The following PRPS2 variants were observed in gnomAD, a reference collection of about 807,000 sequenced individuals.
PRPS2 encodes the protein ribose-phosphate pyrophosphokinase 2.
For missense variants in PRPS2, 104 were observed against 271.5 expected (o/e 0.38, Z 4.34); for synonymous variants, 111 against 115.3 (o/e 0.96, Z 0.24).
At chrX:12,808,096 T>A (rs2042603114) in intron 2 of PRPS2, among the ~76,000 whole-genome samples, 1 of 111,192 alleles carries the variant, frequency 9.0e-6, no homozygotes, top group South Asian at 3.8e-4. Flanking sequence ...CTGGATCTTC[T>A]GATCTCGTGA....
At position 12,823,579 on chromosome X, in the gene PRPS2, A is replaced by G. The variant is rs1287645611; in HGVS notation, c.*783A>G. 3 of 111,816 alleles carry G rather than the reference A, an allele frequency of 2.7e-5. No homozygotes were observed. The highest frequency in any genetic ancestry group is 5.6e-5 in the Non-Finnish European group (3 of 53,199). 9.2% of individuals were successfully genotyped at this position (111,816 alleles called of 1,213,427 possible). A position where few individuals can be genotyped will look rare whatever the true frequency, so the allele number is the denominator to read the frequency against. On this transcript the variant is annotated 3_prime_UTR_variant, in exon 7 of 7. Transcript: ENST00000380668. ...CAAGGCCTAAAGCCAACTGACTTAAAGGTAATCATTTCAGCTAAGATTAAA... is the reference window on the plus strand; with the variant it reads ...CAAGGCCTAAAGCCAACTGACTTAAGGGTAATCATTTCAGCTAAGATTAAA...
At chrX:12,804,627 A>G (rs986961575) in intron 2 of PRPS2, among the ~76,000 whole-genome samples, 2 of 111,182 alleles carry the variant, frequency 1.8e-5, no homozygotes, top group Non-Finnish European at 1.9e-5. Flanking sequence ...CTCTTAGACA[A>G]GTGCTACTGT....
chrX:12,791,695 C>G (rs2042519408), intron 1 of PRPS2, 76 bp downstream of exon 1: 2 of 847,392 alleles, frequency 2.4e-6, no homozygotes, highest in Non-Finnish European at 2.9e-6. Context: ...GGGCCGGCGC[C>G]TGCCCGGGCC....
At chrX:12,819,235 C>A (rs757793096) in intron 4 of PRPS2, among the ~76,000 whole-genome samples, 10 of 112,796 alleles carry the variant, frequency 8.9e-5, no homozygotes, top group Non-Finnish European at 1.9e-4. Flanking sequence ...TACTAACAAA[C>A]TGAATATCAA....
chrX:12,819,493 T>C lies in PRPS2; in HGVS notation c.531-14T>C, dbSNP rs760393409. 8.3e-7 allele frequency: 1 copy of C among 1,201,922 alleles called. No homozygotes were observed. The highest frequency in any genetic ancestry group is 1.7e-5 in the African/African-American group (1 of 57,215). The stretch of plus-strand genomic sequence containing the variant: ...AGTTGACTGTATGAACATGTTCATT[T>C]GTGCCTTTGCCAGGGTTACATCAAT... On this transcript the variant is annotated splice_polypyrimidine_tract_variant and intron_variant, in intron 4 of 6. Transcript: ENST00000380668.
At chrX:12,793,752 G>C (rs1301921045) in intron 1 of PRPS2, among the ~76,000 whole-genome samples, 1 of 112,506 alleles carries the variant, frequency 8.9e-6, no homozygotes, top group African/African-American at 3.2e-5. Context: ...TCTTGAATCT[G>C]TCACTGAACT....
intron 5 of PRPS2, 23 bp from the exon 6 acceptor site, chrX:12,820,621 T>G (rs1160180902): frequency 8.4e-7 from 1 of 1,193,547 alleles, no homozygotes; most frequent in Non-Finnish European, 1.1e-6. Context: ...TACCCTTAAT[T>G]TTTATCTTCT....
At chrX:12,821,390 G>A (rs189202150) in intron 6 of PRPS2, among the ~76,000 whole-genome samples, 1 of 102,987 alleles carries the variant, frequency 9.7e-6, no homozygotes, top group African/African-American at 3.5e-5. Context: ...CTTCTAGGAG[G>A]TACCTGAGAT....
At chrX:12,819,856 A>G (rs1194997966) in intron 5 of PRPS2, among the ~76,000 whole-genome samples, 176 bp downstream of exon 5, 2 of 112,935 alleles carry the variant, frequency 1.8e-5, no homozygotes, top group African/African-American at 6.4e-5. Context: ...TAGAAAAGAA[A>G]GCACGGGCCT....
intron 1 of PRPS2, among the ~76,000 whole-genome samples, chrX:12,794,899 A>C (rs1279149519): frequency 1.8e-5 from 2 of 112,046 alleles, no homozygotes; most frequent in Non-Finnish European, 3.8e-5. Flanking sequence ...CAAATCGTAA[A>C]TATTTTAGGC....
intron 4 of PRPS2, among the ~76,000 whole-genome samples, chrX:12,814,520 G>A (rs1233339563): frequency 1.8e-5 from 2 of 112,443 alleles, no homozygotes; most frequent in African/African-American, 6.5e-5. Flanking sequence ...AAAGGTCATA[G>A]TTAGCAAAAT....
intron 4 of PRPS2, among the ~76,000 whole-genome samples, chrX:12,817,543 A>G (rs953284467): frequency 9.3e-6 from 1 of 108,038 alleles, no homozygotes; most frequent in Non-Finnish European, 1.9e-5. Flanking sequence ...CAGCAATTCC[A>G]CTCTGAGGTA....
intron 2 of PRPS2, among the ~76,000 whole-genome samples, chrX:12,808,272 T>G (rs1356300881): frequency 6.3e-5 from 6 of 95,084 alleles, no homozygotes; most frequent in African/African-American, 2.3e-4. Flanking sequence ...CCTGCATGTG[T>G]TTTTACATGA....
chrX:12,818,380 A>G (rs945699862), intron 4 of PRPS2, among the ~76,000 whole-genome samples: 10 of 108,029 alleles, frequency 9.3e-5, no homozygotes, highest in South Asian at 4.0e-4. Flanking sequence ...AAAAAAAAAA[A>G]AAAAGAAAAG....
chrX:12,813,654 T>C (rs2042634162), intron 4 of PRPS2, among the ~76,000 whole-genome samples: 1 of 111,523 alleles, frequency 9.0e-6, no homozygotes, highest in Non-Finnish European at 1.9e-5. Context: ...CTGGTTGCTG[T>C]GGGTGAGGGT....
chrX:12,792,019 G>T (rs1023264700), intron 1 of PRPS2, among the ~76,000 whole-genome samples: 1 of 113,311 alleles, frequency 8.8e-6, no homozygotes. Context: ...TCAGCGCGCG[G>T]TGGAGAGACG....
intron 1 of PRPS2, among the ~76,000 whole-genome samples, chrX:12,796,213 C>CTTTT (rs751352461): frequency 3.4e-4 from 13 of 38,672 alleles, no homozygotes; most frequent in Admixed American, 6.7e-4. Flanking sequence ...ATAATTGGCT[C>CTTTT]TTTTTTTTTT....
At chrX:12,808,556 T>G (rs1245192233) in intron 2 of PRPS2, among the ~76,000 whole-genome samples, 1 of 112,378 alleles carries the variant, frequency 8.9e-6, no homozygotes, top group Non-Finnish European at 1.9e-5. Context: ...GAACATAATA[T>G]CAGTAAATGA....
intron 1 of PRPS2, among the ~76,000 whole-genome samples, chrX:12,792,762 A>C (rs1366813765): frequency 1.8e-5 from 2 of 112,710 alleles, no homozygotes; most frequent in Non-Finnish European, 3.7e-5. Flanking sequence ...TTAACTTTGA[A>C]GTGGATCATA....
Sources: gnomAD v4.1 joint callset for allele counts (sites outside exome capture counted in the v4.1 genomes callset) on GRCh38, gnomAD v4.1.1 for gene constraint, MANE v1.5 for transcripts, NCBI Gene and HGNC (gene_info 2026-07-23, HGNC 2026-07-21) for gene names.